Variants in ILRUN observed in about 807,000 individuals in gnomAD.
ILRUN encodes the protein protein ILRUN.
Under a neutral mutation model 33.8 loss-of-function variants are expected in ILRUN, and 3 were observed. The observed-to-expected ratio is 0.09, with a 90% CI of 0.04 to 0.23. The LOEUF (loss-of-function observed/expected upper bound fraction) is 0.23. Among genes scored for constraint, ILRUN ranks in the 10% least tolerant of loss-of-function variants. ILRUN has a pLI of 1.00. For synonymous variants in ILRUN, 124 were observed against 138.9 expected, an observed-to-expected ratio of 0.89 and a Z score of 0.75; for missense variants, 210 against 375.1, an observed-to-expected ratio of 0.56 and a Z score of 3.64.
intron 4 of ILRUN, among the ~76,000 whole-genome samples, chr6:34,599,692 A>G (rs2127312878): frequency 6.6e-6 from 1 of 152,268 alleles, no homozygotes; most frequent in East Asian, 1.9e-4. Context: ...TAACTCTCAA[A>G]TTTATATCTC....
In ILRUN at chr6:34,696,433, G is replaced by A. The variant is rs1397563924; in HGVS notation, c.158+13C>T. 3.2e-6 allele frequency: 5 copies of A among 1,549,716 alleles called. No individual in the cohort carries two copies. The highest frequency in any genetic ancestry group is 4.4e-6 in the Non-Finnish European group (5 of 1,147,894). On this transcript the variant is annotated intron_variant, in intron 1 of 4. Transcript: ENST00000374023. Reference sequence around the variant, plus strand: ...AGGCCGCTGCCAGCGCTGGCACTGCGGGGCCGGCTCACCAGTTGGTCATGT... The same window carrying A: ...AGGCCGCTGCCAGCGCTGGCACTGCAGGGCCGGCTCACCAGTTGGTCATGT...
chr6:34,635,465 C>T (rs539764559), intron 3 of ILRUN, among the ~76,000 whole-genome samples: 1 of 149,334 alleles, frequency 6.7e-6, no homozygotes, highest in Non-Finnish European at 1.5e-5. Context: ...GATGTCAAGG[C>T]TACAGTGAGC....
At chr6:34,591,161 C>T (rs1761285483) in intron 4 of ILRUN, among the ~76,000 whole-genome samples, 1 of 152,156 alleles carries the variant, frequency 6.6e-6, no homozygotes, top group Non-Finnish European at 1.5e-5. Flanking sequence ...ATTTCACTGA[C>T]ACCCATTTTA....
intron 1 of ILRUN, among the ~76,000 whole-genome samples, chr6:34,678,282 C>G (rs1422162090): frequency 6.6e-6 from 1 of 152,116 alleles, no homozygotes; most frequent in Non-Finnish European, 1.5e-5. Context: ...CTTGGGTGAT[C>G]CACCCGCCTT....
chr6:34,693,678 T>A (rs1562038334), intron 1 of ILRUN, among the ~76,000 whole-genome samples: 1 of 150,356 alleles, frequency 6.7e-6, no homozygotes, highest in African/African-American at 2.5e-5. Context: ...TTTTATTTTT[T>A]TTTTTTGAGA....
chr6:34,596,049 G>C (rs1004422937), intron 4 of ILRUN: 1 of 489,136 alleles, frequency 2.0e-6, no homozygotes, highest in African/African-American at 2.1e-5. Flanking sequence ...GGCCTGGCCT[G>C]GCTGGCAGGG....
At chr6:34,683,399 C>CATACATACATATATAT (rs1554189798) in intron 1 of ILRUN, among the ~76,000 whole-genome samples, 1 of 111,154 alleles carries the variant, frequency 9.0e-6, no homozygotes, top group African/African-American at 4.3e-5. Flanking sequence ...TATATATGCA[C>CATACATACATATATAT]ATATATACAT....
At chr6:34,618,625 C>A (rs567482645) in intron 3 of ILRUN, among the ~76,000 whole-genome samples, 3 of 152,194 alleles carry the variant, frequency 2.0e-5, no homozygotes, top group Non-Finnish European at 4.4e-5. Context: ...CACTGCATCA[C>A]GTCAATAATC....
intron 3 of ILRUN, among the ~76,000 whole-genome samples, chr6:34,617,425 TC>T (rs1365071994): frequency 1.3e-5 from 2 of 152,144 alleles, no homozygotes; most frequent in Non-Finnish European, 2.9e-5. Flanking sequence ...AGAAGGAACT[TC>T]CAGTTGTCCC....
intron 4 of ILRUN, among the ~76,000 whole-genome samples, chr6:34,603,159 T>C (rs536548816): frequency 1.2e-3 from 184 of 152,296 alleles, no homozygotes; most frequent in Non-Finnish European, 2.2e-3. Context: ...ATCAGATCTA[T>C]TGCCAACTCA....
intron 1 of ILRUN, among the ~76,000 whole-genome samples, chr6:34,694,105 G>A (rs535835216): frequency 3.3e-5 from 5 of 152,248 alleles, no homozygotes; most frequent in East Asian, 1.9e-4. Context: ...GATTATAGGC[G>A]TGCAGCCTTT....
At chr6:34,679,585 G>A (rs1382751547) in intron 1 of ILRUN, among the ~76,000 whole-genome samples, 1 of 152,162 alleles carries the variant, frequency 6.6e-6, no homozygotes, top group African/African-American at 2.4e-5. Flanking sequence ...TATTTATTAA[G>A]ACTGGGAAAA....
At chr6:34,593,144 A>C (rs1433541059) in intron 4 of ILRUN, among the ~76,000 whole-genome samples, 1 of 152,186 alleles carries the variant, frequency 6.6e-6, no homozygotes, top group Non-Finnish European at 1.5e-5. Flanking sequence ...GTGCCACTGT[A>C]CTTCAGCCTG....
At chr6:34,666,224 G>A (rs1045693431) in intron 1 of ILRUN, among the ~76,000 whole-genome samples, 11 of 152,166 alleles carry the variant, frequency 7.2e-5, no homozygotes, top group African/African-American at 2.2e-4. Context: ...AGTACTCTGT[G>A]GACATATTTG....
intron 3 of ILRUN, among the ~76,000 whole-genome samples, chr6:34,633,914 AGGG>A (rs1762301353): frequency 3.0e-5 from 2 of 66,434 alleles, no homozygotes; most frequent in Non-Finnish European, 2.9e-5. Context: ...GGAGGGAGGG[AGGG>A]AGGGAATGAA....
chr6:34,683,473 CACATATATATATACAT>C (rs1763435823), intron 1 of ILRUN, among the ~76,000 whole-genome samples: 1 of 97,842 alleles, frequency 1.0e-5, no homozygotes. Context: ...CATATATATA[CACATATATATATACAT>C]ATATATATAC....
chr6:34,688,264 G>A (rs1448816106), intron 1 of ILRUN, among the ~76,000 whole-genome samples: 1 of 152,040 alleles, frequency 6.6e-6, no homozygotes, highest in African/African-American at 2.4e-5. Flanking sequence ...AACTGGCTGG[G>A]CATGGTGGCT....
chr6:34,634,861 T>C (rs762291641), intron 3 of ILRUN, among the ~76,000 whole-genome samples: 1 of 150,060 alleles, frequency 6.7e-6, no homozygotes. Context: ...ACACCAATTC[T>C]ATAAAATTTC....
Position 34,592,901 on chromosome 6 carries a change from C to A in ILRUN, c.862-2301G>T, listed in dbSNP as rs529397990. On this transcript the variant is annotated intron_variant, in intron 4 of 4. Transcript: ENST00000374023. This position sits in a 1 kb window ranked among gnomAD's most constrained non-coding sequence, Gnocchi z 4.0. ...AGCAAAAAGAAAACCTTGCTAGGTA[C>A]GGTCGCTTATGTCTATAATCCCAGC... 9.9e-5 allele frequency among the ~76,000 whole-genome samples: 15 copies of A among 152,272 alleles called. No homozygotes were observed. The East Asian group carries it at 2.9e-3, about 29-fold the overall frequency.
Sources: gnomAD v4.1 joint callset for allele counts (sites outside exome capture counted in the v4.1 genomes callset) on GRCh38, gnomAD v4.1.1 for gene constraint, Gnocchi (gnomAD v3.1) non-coding constraint, MANE v1.5 for transcripts, NCBI Gene and HGNC (gene_info 2026-07-23, HGNC 2026-07-21) for gene names.